Variants in ITGA1 observed in about 807,000 individuals in gnomAD.
The protein encoded by ITGA1 is integrin subunit alpha 1.
ITGA1 carries 85 observed loss-of-function variants against 145.9 expected under a neutral mutation model. The observed-to-expected ratio is 0.58, with a 90% confidence interval of 0.49 to 0.70. ITGA1 has a LOEUF of 0.70. Among genes scored for constraint, ITGA1 ranks in the 30% least tolerant of loss-of-function variants. ITGA1 has a pLI of 0.00. For synonymous variants in ITGA1, 520 were observed against 495.3 expected (o/e 1.05, Z -0.66); for missense variants, 1,351 against 1,418.7 (o/e 0.95, Z 0.77).
At chr5:52,938,097 A>G (rs1444504267) in intron 24 of ITGA1, among the ~76,000 whole-genome samples, 2 of 152,194 alleles carry the variant, frequency 1.3e-5, no homozygotes, top group Non-Finnish European at 2.9e-5. Context: ...AGATTTAGGC[A>G]TATCTTTGGG....
At position 52,925,407 on chromosome 5, in the gene ITGA1, G is replaced by C; in HGVS notation, c.2533G>C (p.Val845Leu). 1.2e-6 allele frequency: 2 copies of C among 1,614,080 alleles called. No individual in the cohort carries two copies. Among genetic ancestry groups the C allele is most frequent in the Non-Finnish European group, 1.7e-6 (2 of 1,179,966 alleles). Residue 845 changes from valine (V) to leucine (L), a missense_variant, in exon 19 of 29, where the codon GTC becomes CTC. Transcript: ENST00000282588. ...QNDKFNVSLT[V>L]KNTKDSAYNT... Reference sequence around the variant, plus strand: ...TGATAAGTTCAACGTTAGCCTCACAGTCAAAAATACAAAGGACAGTGCCTA... The same window carrying C: ...TGATAAGTTCAACGTTAGCCTCACACTCAAAAATACAAAGGACAGTGCCTA...
At chr5:52,802,840 C>T (rs984091912) in intron 1 of ITGA1, 3 of 152,120 alleles carry the variant, frequency 2.0e-5, no homozygotes, top group Non-Finnish European at 2.9e-5. Flanking sequence ...TGGCAGTTGA[C>T]TTAAACTCCA....
At chr5:52,864,263 T>C (rs1456540517) in intron 3 of ITGA1, among the ~76,000 whole-genome samples, 1 of 152,212 alleles carries the variant, frequency 6.6e-6, no homozygotes, top group East Asian at 1.9e-4. Flanking sequence ...GACACTGCTC[T>C]AATATTCCTC....
chr5:52,937,582 G>A, intron 24 of ITGA1, 68 bp downstream of exon 24: 1 of 946,794 alleles, frequency 1.1e-6, no homozygotes, highest in Non-Finnish European at 1.7e-6. Flanking sequence ...TAAGCCTTTT[G>A]TTCTGCATGA....
chr5:52,851,497 G>A (rs929159314), intron 2 of ITGA1, among the ~76,000 whole-genome samples: 1 of 152,192 alleles, frequency 6.6e-6, no homozygotes, highest in African/African-American at 2.4e-5. Context: ...TTGATGTCAT[G>A]AGGAATGTCC....
At chr5:52,826,043 G>A (rs1018190123) in intron 1 of ITGA1, among the ~76,000 whole-genome samples, 58 of 152,338 alleles carry the variant, frequency 3.8e-4, no homozygotes, top group African/African-American at 1.4e-3. Context: ...ACTGCGCTTA[G>A]TGAGGAAAGC....
chr5:52,936,931 C>T (rs543419443), intron 23 of ITGA1, among the ~76,000 whole-genome samples: 1 of 151,652 alleles, frequency 6.6e-6, no homozygotes, highest in African/African-American at 2.4e-5. Context: ...TCCCATCTAG[C>T]CAGGATTAGA....
intron 26 of ITGA1, among the ~76,000 whole-genome samples, chr5:52,943,638 G>A (rs372521160): frequency 2.6e-5 from 4 of 152,086 alleles, no homozygotes; most frequent in East Asian, 1.9e-4. Flanking sequence ...AGGCTCTCTC[G>A]GGCAGAGGCC....
In ITGA1 at chr5:52,848,424, T is replaced by C. The variant is rs186541776; in HGVS notation, c.62-941T>C. 2.6e-5 allele frequency among the ~76,000 whole-genome samples: 4 copies of C among 152,344 alleles called. No homozygotes were observed. In the East Asian group the frequency reaches 5.8e-4, roughly 22 times the overall value. ...AAACTATCTGCAACTGTATTAGTCA[T>C]ATATGAATCTGAGTTTCTGCCTGCT... is the stretch of plus-strand genomic sequence containing the variant. On this transcript the variant is annotated intron_variant, in intron 1 of 28. Coordinates refer to ENST00000282588, the MANE Select transcript of ITGA1 (RefSeq NM_181501.2).
chr5:52,935,482 G>A (rs1750951983), intron 23 of ITGA1, among the ~76,000 whole-genome samples: 1 of 152,074 alleles, frequency 6.6e-6, no homozygotes, highest in Non-Finnish European at 1.5e-5. Flanking sequence ...GGCACATTTT[G>A]GAGTAAGAAA....
chr5:52,820,856 TA>T (rs1269873896), intron 1 of ITGA1, among the ~76,000 whole-genome samples: 17 of 152,322 alleles, frequency 1.1e-4, no homozygotes, highest in African/African-American at 3.8e-4. Flanking sequence ...GGATATTTGC[TA>T]TATTCTGCTA....
chr5:52,845,674 G>A (rs1749321036), intron 1 of ITGA1, among the ~76,000 whole-genome samples: 1 of 152,146 alleles, frequency 6.6e-6, no homozygotes, highest in Non-Finnish European at 1.5e-5. Flanking sequence ...AACTCATGAA[G>A]TGCTATTGGC....
At chr5:52,791,844 GAAGTT>G (rs1395875749) in intron 1 of ITGA1, among the ~76,000 whole-genome samples, 5 of 151,968 alleles carry the variant, frequency 3.3e-5, no homozygotes, top group Admixed American at 6.6e-5. Flanking sequence ...ATAGTATTAA[GAAGTT>G]AATTTCATTT....
chr5:52,912,195 G>A (rs113998653), intron 14 of ITGA1, among the ~76,000 whole-genome samples: 2 of 138,312 alleles, frequency 1.4e-5, no homozygotes, highest in Non-Finnish European at 3.1e-5. Flanking sequence ...GCTATATATA[G>A]TGTATCTAGT....
At chr5:52,951,990 G>C (rs1160510701) in intron 28 of ITGA1, among the ~76,000 whole-genome samples, 1 of 152,074 alleles carries the variant, frequency 6.6e-6, no homozygotes, top group Non-Finnish European at 1.5e-5. Context: ...AAGAGATAGA[G>C]ACCATCCTGG....
Position 52,788,113 on chromosome 5 carries a change from C to A in ITGA1, c.-241C>A, listed in dbSNP as rs1175779799. The A allele has an allele frequency of 2.3e-6, 1 of 428,210 alleles. No homozygotes were observed. The highest frequency in any genetic ancestry group is 2.1e-5 in the African/African-American group (1 of 48,336). 26.5% of individuals were successfully genotyped at this position (428,210 alleles called of 1,614,324 possible). On this transcript the variant is annotated 5_prime_UTR_variant, in exon 1 of 29. Transcript: ENST00000282588. The stretch of plus-strand genomic sequence containing the variant: ...CCAGTGAGATTTCAGAGACCAAGAG[C>A]GCGAAGGGGCGGGCGATGTGGCAAT...
At chr5:52,848,845 G>C (rs1310021265) in intron 1 of ITGA1, among the ~76,000 whole-genome samples, 4 of 151,240 alleles carry the variant, frequency 2.6e-5, no homozygotes, top group Non-Finnish European at 5.9e-5. Flanking sequence ...TTTTGTCCTT[G>C]AGATAGTTTG....
chr5:52,829,404 A>T (rs1749021879), intron 1 of ITGA1, among the ~76,000 whole-genome samples: 1 of 152,148 alleles, frequency 6.6e-6, no homozygotes, highest in Non-Finnish European at 1.5e-5. Context: ...ACAAAAAGAA[A>T]AAAGAAAACT....
chr5:52,891,910 T>G (rs1750157869), intron 8 of ITGA1, among the ~76,000 whole-genome samples: 1 of 152,088 alleles, frequency 6.6e-6, no homozygotes, highest in East Asian at 1.9e-4. Context: ...AAAAACAGTT[T>G]TAACATAAAA....
Sources: gnomAD v4.1 joint callset for allele counts (sites outside exome capture counted in the v4.1 genomes callset) on GRCh38, gnomAD v4.1.1 for gene constraint, MANE v1.5 for transcripts, NCBI Gene and HGNC (gene_info 2026-07-23, HGNC 2026-07-21) for gene names.